Variants in HOXA7 observed in about 807,000 individuals in gnomAD.
HOXA7 encodes homeobox protein Hox-A7.
Under a neutral mutation model 16.8 loss-of-function variants are expected in HOXA7, and 16 were observed. That is an observed-to-expected ratio of 0.95 (90% CI 0.64 to 1.44). The LOEUF (loss-of-function observed/expected upper bound fraction) is 1.44. Ranked by LOEUF, HOXA7 falls within the 40% of genes most tolerant of loss-of-function variation. The probability of loss-of-function intolerance (pLI) is 0.00; values close to 1 mark genes in which losing one functional copy is unlikely to be tolerated. For missense variants in HOXA7, 379 were observed against 328.6 expected (o/e 1.15, Z -1.19); for synonymous variants, 169 against 144.3 (o/e 1.17, Z -1.23).
rs1783071811 is a variant in HOXA7, at chr7:27,154,733, C to G, written c.*176G>C. ...CCGCTCAGTCCACAAAAGTTGGGAG[C>G]TGGAGTAGGTGATGGGGGTGGGTAG... On this transcript the variant is annotated 3_prime_UTR_variant, in exon 2 of 2. Coordinates refer to ENST00000242159, the MANE Select transcript of HOXA7 (RefSeq NM_006896.4). The G allele has an allele frequency of 3.3e-6, 3 of 904,970 alleles. No individual in the cohort carries two copies. The highest frequency in any genetic ancestry group is 4.8e-6 in the Non-Finnish European group (3 of 622,172). The allele number at this position is 904,970 out of a possible 1,614,324, so 56.1% of individuals were successfully genotyped here. A position where few individuals can be genotyped will look rare whatever the true frequency, so the allele number is the denominator to read the frequency against.
rs748683715 is a variant in HOXA7, at chr7:27,156,339, G to C, written c.207C>G (p.Gly69=). Residue 69 remains glycine (G), a synonymous_variant, in exon 1 of 2, where the codon GGC becomes GGG. Coordinates refer to ENST00000242159, the MANE Select transcript of HOXA7 (RefSeq NM_006896.4). The part of the protein sequence containing the change: ...SPLYQSPFAS[G]YGLGADAYGN... ...CGTAGGCGTCGGCGCCCAGGCCGTA[G>C]CCGGACGCAAAGGGGCTCTGATAAA... 11 of 1,614,030 alleles carry C rather than the reference G, an allele frequency of 6.8e-6. No homozygotes were observed. Among genetic ancestry groups the C allele is most frequent in the South Asian group, 5.5e-5 (5 of 91,090 alleles).
Position 27,156,346 on chromosome 7 carries a change from G to A in HOXA7, c.200C>T (p.Ala67Val), listed in dbSNP as rs1038275564. ...GTCGGCGCCCAGGCCGTAGCCGGAC[G>A]CAAAGGGGCTCTGATAAAGGGGGCT... ...VNSPLYQSPF[A>V]SGYGLGADAY... The change falls in exon 1 of 2, where the codon GCG becomes GTG. Residue 67 changes from alanine (A) to valine (V), a missense_variant. By Grantham distance (64) the Ala-to-Val change is moderately conservative. Coordinates refer to ENST00000242159, the MANE Select transcript of HOXA7 (RefSeq NM_006896.4). 4 of 1,614,108 alleles carry A rather than the reference G, an allele frequency of 2.5e-6. No individual in the cohort carries two copies. Among genetic ancestry groups the A allele is most frequent in the Non-Finnish European group, 3.4e-6 (4 of 1,180,004 alleles).
intron 1 of HOXA7, 148 bp from the exon 2 acceptor site, chr7:27,155,370 G>A (rs767174687): frequency 7.0e-6 from 5 of 714,976 alleles, no homozygotes; most frequent in Non-Finnish European, 1.2e-5. Flanking sequence ...CTGAGCTAGG[G>A]GAGGAGGGGG....
Position 27,156,661 on chromosome 7 carries a change from G to A in HOXA7, c.-116C>T. 2 of 1,178,018 alleles carry A rather than the reference G, an allele frequency of 1.7e-6. No homozygotes were observed. The highest frequency in any genetic ancestry group is 2.4e-6 in the Non-Finnish European group (2 of 839,496). The allele number at this position is 1,178,018 out of a possible 1,614,324, so 73.0% of individuals were successfully genotyped here. ...CACCAAACCCCATTTTCTTTTGGAC[G>A]GAGCTCGCCGCAGCACGTGACCGCC... On this transcript the variant is annotated 5_prime_UTR_variant, in exon 1 of 2. Transcript: ENST00000242159.
In HOXA7 at chr7:27,156,660, C is replaced by G; in HGVS notation, c.-115G>C. 1 of 1,177,726 alleles carries G rather than the reference C, an allele frequency of 8.5e-7. No homozygotes were observed. Among genetic ancestry groups the G allele is most frequent in the Non-Finnish European group, 1.2e-6 (1 of 838,998 alleles). 73.0% of individuals were successfully genotyped at this position (1,177,726 alleles called of 1,614,324 possible). A position where few individuals can be genotyped will look rare whatever the true frequency, so the allele number is the denominator to read the frequency against. ...ACACCAAACCCCATTTTCTTTTGGA[C>G]GGAGCTCGCCGCAGCACGTGACCGC... On this transcript the variant is annotated 5_prime_UTR_variant, in exon 1 of 2. Transcript: ENST00000242159.
At chr7:27,155,288 G>T in intron 1 of HOXA7, 66 bp from the exon 2 acceptor site, 1 of 1,457,928 alleles carries the variant, frequency 6.9e-7, no homozygotes, top group Non-Finnish European at 9.6e-7. Flanking sequence ...TCGTTAGGCT[G>T]CTGTCCCAGA....
Position 27,156,389 on chromosome 7 carries a change from C to T in HOXA7, c.157G>A (p.Gly53Ser), listed in dbSNP as rs1457386778. ...GAGAFASTVP[G>S]LYNVNSPLYQ... ...AGGGGGCTGTTGACATTGTATAAGCCCGGAACGGTCGAGGCGAAGGCGCCG... is the reference window on the plus strand; with the variant it reads ...AGGGGGCTGTTGACATTGTATAAGCTCGGAACGGTCGAGGCGAAGGCGCCG... The change falls in exon 1 of 2, where the codon GGC (glycine) becomes AGC (serine). Residue 53 changes from glycine to serine, a missense_variant. Gly to Ser is a moderately conservative substitution (Grantham distance 56). Transcript: ENST00000242159. 1 of 1,613,938 alleles carries T rather than the reference C, an allele frequency of 6.2e-7. No individual in the cohort carries two copies. Among genetic ancestry groups the T allele is most frequent in the Non-Finnish European group, 8.5e-7 (1 of 1,179,844 alleles).
chr7:27,156,520 G>C lies in HOXA7; in HGVS notation c.26C>G (p.Ala9Gly), dbSNP rs765702602. Residue 9 changes from alanine to glycine, a missense_variant, in exon 1 of 2, where the codon GCG becomes GGG. Ala to Gly is a moderately conservative substitution (Grantham distance 60, BLOSUM62 0). Transcript: ENST00000242159. MSSSYYVN[A>G]LFSKYTAGAS... is the part of the protein sequence containing the mutation. ...CCCCGCCGTATATTTGCTAAAAAGC[G>C]CGTTCACATAATACGAAGAACTCAT... 2 of 1,585,554 alleles carry C rather than the reference G, an allele frequency of 1.3e-6. No homozygotes were observed. Among genetic ancestry groups the C allele is most frequent in the South Asian group, 1.1e-5 (1 of 87,862 alleles).
intron 1 of HOXA7, chr7:27,155,689 C>A: frequency 5.9e-6 from 1 of 169,990 alleles, no homozygotes; most frequent in Non-Finnish European, 1.3e-5. Context: ...TCCTCATTCC[C>A]TCGCCCCCAT....
At chr7:27,156,060 G>A (rs1164999261) in intron 1 of HOXA7, 107 bp downstream of exon 1, 23 of 1,314,590 alleles carry the variant, frequency 1.7e-5, no homozygotes, top group Non-Finnish European at 2.2e-5. Context: ...GCAACAGCCT[G>A]GCTCCGCTCT....
In HOXA7 at chr7:27,154,954, G is replaced by T. The variant is rs774206180; in HGVS notation, c.648C>A (p.Ala216=). 6.2e-7 allele frequency: 1 copy of T among 1,612,680 alleles called. No individual in the cohort carries two copies. The highest frequency in any genetic ancestry group is 1.1e-5 in the South Asian group (1 of 90,988). ...CTTCTTCATCATCGTCCTCCTCGTC[G>T]GCCTTGTCCGCGGCAGCAGTGGCGG... is the stretch of plus-strand genomic sequence containing the variant. The part of the protein sequence containing the change: ...SAAATAAADK[A]DEEDDDEEEE... The change falls in exon 2 of 2, where the codon GCC becomes GCA. Residue 216 remains alanine (A), a synonymous_variant. Transcript: ENST00000242159.
chr7:27,154,784 T>G lies in HOXA7; in HGVS notation c.*125A>C. 7.3e-7 allele frequency: 1 copy of G among 1,367,530 alleles called. No homozygotes were observed. The highest frequency in any genetic ancestry group is 9.6e-7 in the Non-Finnish European group (1 of 1,036,658). The allele number at this position is 1,367,530 out of a possible 1,614,324, so 84.7% of individuals were successfully genotyped here. On this transcript the variant is annotated 3_prime_UTR_variant, in exon 2 of 2. Transcript: ENST00000242159. ...AGTGCAGGTTGGGGACTGGGTTGCT[T>G]TTTTGTTTTTGTTTTTGTTTTTTAC...
In HOXA7 at chr7:27,155,155, G is replaced by C. The variant is rs1783083968; in HGVS notation, c.447C>G (p.Phe149Leu). ...RYQTLELEKE[F>L]HFNRYLTRRR... ...GCCGCGTCAGGTAGCGGTTGAAGTG[G>C]AACTCCTTCTCCAGCTCCAGCGTCT... Residue 149 changes from phenylalanine to leucine, a missense_variant, in exon 2 of 2, where the codon TTC becomes TTG. By Grantham distance (22) the Phe-to-Leu change is conservative. Transcript: ENST00000242159. 1.2e-6 allele frequency: 2 copies of C among 1,614,256 alleles called. No individual in the cohort carries two copies. The highest frequency in any genetic ancestry group is 1.7e-6 in the Non-Finnish European group (2 of 1,180,054).
intron 1 of HOXA7, 179 bp from the exon 2 acceptor site, chr7:27,155,401 A>C (rs1783088864): frequency 4.8e-6 from 3 of 622,238 alleles, no homozygotes; most frequent in Non-Finnish European, 8.5e-6. Context: ...AAAGACCCCA[A>C]CTGCAGTGCC....
At chr7:27,155,714 T>G in intron 1 of HOXA7, 1 of 167,378 alleles carries the variant, frequency 6.0e-6, no homozygotes, top group Non-Finnish European at 1.3e-5. Flanking sequence ...AAATGGACCC[T>G]GGCACAGGGT....
rs1474814024 is a variant in HOXA7, at chr7:27,155,131, C to T, written c.471G>A (p.Arg157=). Residue 157 remains arginine, a synonymous_variant, in exon 2 of 2, where the codon CGG becomes CGA. Transcript: ENST00000242159. ...CGTGGGCGATTTCAATGCGGCGGCGCCGCGTCAGGTAGCGGTTGAAGTGGA... is the reference window on the plus strand; with the variant it reads ...CGTGGGCGATTTCAATGCGGCGGCGTCGCGTCAGGTAGCGGTTGAAGTGGA... ...KEFHFNRYLT[R]RRRIEIAHAL... The T allele has an allele frequency of 6.2e-7, 1 of 1,614,156 alleles. No individual in the cohort carries two copies. Among genetic ancestry groups the T allele is most frequent in the Non-Finnish European group, 8.5e-7 (1 of 1,180,062 alleles).
In HOXA7 at chr7:27,155,020, C is replaced by T; in HGVS notation, c.582G>A (p.Pro194=). ...KWKKEHKDEG[P]TAAAAPEGAV... Reference sequence around the variant, plus strand: ...CGCCCTCGGGAGCTGCGGCGGCAGTCGGACCTTCGTCCTTATGCTCTTTCT... The same window carrying T: ...CGCCCTCGGGAGCTGCGGCGGCAGTTGGACCTTCGTCCTTATGCTCTTTCT... Residue 194 remains proline, a synonymous_variant, in exon 2 of 2, where the codon CCG becomes CCA. Transcript: ENST00000242159. The T allele has an allele frequency of 6.2e-7, 1 of 1,614,164 alleles. No homozygotes were observed. Among genetic ancestry groups the T allele is most frequent in the Non-Finnish European group, 8.5e-7 (1 of 1,180,020 alleles).
At chr7:27,155,639 C>G in intron 1 of HOXA7, 1 of 207,936 alleles carries the variant, frequency 4.8e-6, no homozygotes, top group South Asian at 9.5e-5. Context: ...CAGCCTGAGC[C>G]CTCATCCCCA....
chr7:27,154,881 G>A lies in HOXA7; in HGVS notation c.*28C>T, dbSNP rs762922018. On this transcript the variant is annotated 3_prime_UTR_variant, in exon 2 of 2. Transcript: ENST00000242159. ...CTTAAAGACGCTTTTCCGACTGTCC[G>A]GTGCAGAGAGGGCCCCGGATCGGCC... 1.6e-5 allele frequency: 25 copies of A among 1,581,260 alleles called. No homozygotes were observed. In the South Asian group the frequency reaches 2.4e-4, roughly 15 times the overall value.
Sources: gnomAD v4.1 joint callset for allele counts on GRCh38, gnomAD v4.1.1 for gene constraint, MANE v1.5 for transcripts, NCBI Gene and HGNC (gene_info 2026-07-23, HGNC 2026-07-21) for gene names.